Variants in SMARCA2 observed in about 807,000 individuals in gnomAD.
SMARCA2 encodes the protein SWI/SNF-related matrix-associated actin-dependent regulator of chromatin subfamily A member 2.
A neutral mutation model predicts 199.8 loss-of-function variants in SMARCA2; 61 were observed. The observed-to-expected ratio is 0.31, with a 90% CI of 0.25 to 0.38. SMARCA2 has a LOEUF of 0.38. Among genes scored for constraint, SMARCA2 ranks in the 10% least tolerant of loss-of-function variants. The pLI, the probability that SMARCA2 is intolerant of heterozygous loss-of-function variation, is 1.00. For synonymous variants in SMARCA2, 935 were observed against 732.0 expected (o/e 1.28, Z -4.48); for missense variants, 1,344 against 2,012.2 (o/e 0.67, Z 6.35).
At chr9:2,076,432 C>G (rs1821326368) in intron 13 of SMARCA2, 103 bp downstream of exon 13, 1 of 745,508 alleles carries the variant, frequency 1.3e-6, no homozygotes, top group Non-Finnish European at 2.4e-6. Flanking sequence ...AACTTCACGC[C>G]TACACTCTGC....
chr9:2,152,654 C>A (rs995555895), intron 27 of SMARCA2, among the ~76,000 whole-genome samples: 1 of 152,028 alleles, frequency 6.6e-6, no homozygotes, highest in African/African-American at 2.4e-5. Flanking sequence ...AAGTTCAGGA[C>A]CAGCCTGGCC....
intron 9 of SMARCA2, among the ~76,000 whole-genome samples, chr9:2,068,545 A>T (rs971951392): frequency 6.6e-6 from 1 of 152,218 alleles, no homozygotes; most frequent in African/African-American, 2.4e-5. Context: ...CTATTTTGTC[A>T]AAAGACAGTT....
intron 31 of SMARCA2, among the ~76,000 whole-genome samples, chr9:2,183,747 C>T (rs1827224708): frequency 6.6e-6 from 1 of 152,166 alleles, no homozygotes; most frequent in African/African-American, 2.4e-5. Flanking sequence ...CCTTCTGTTA[C>T]TCAAGACACT....
intron 27 of SMARCA2, among the ~76,000 whole-genome samples, chr9:2,142,360 G>T (rs771870185): frequency 6.6e-6 from 1 of 152,326 alleles, no homozygotes; most frequent in South Asian, 2.1e-4. Context: ...CATATTGGTT[G>T]TTTCAAAGTT....
intron 14 of SMARCA2, among the ~76,000 whole-genome samples, chr9:2,080,777 T>C (rs1011101082): frequency 6.6e-6 from 1 of 152,176 alleles, no homozygotes; most frequent in African/African-American, 2.4e-5. Flanking sequence ...TAAGAAAAAT[T>C]CTTGTCAATA....
intron 1 of SMARCA2, among the ~76,000 whole-genome samples, chr9:2,027,361 G>C (rs1338479792): frequency 3.3e-5 from 5 of 152,234 alleles, no homozygotes; most frequent in Admixed American, 3.3e-4. Context: ...AGGATCACTT[G>C]AGCCTAGGAG....
chr9:2,073,762 A>G, intron 12 of SMARCA2, 139 bp downstream of exon 12: 2 of 652,860 alleles, frequency 3.1e-6, no homozygotes, highest in Non-Finnish European at 5.4e-6. Flanking sequence ...AGCTGGGGCT[A>G]AGGATTTACA....
intron 32 of SMARCA2, among the ~76,000 whole-genome samples, chr9:2,189,015 G>C (rs1447803745): frequency 6.6e-6 from 1 of 152,012 alleles, no homozygotes; most frequent in Non-Finnish European, 1.5e-5. Flanking sequence ...TCTCTCTTTT[G>C]CGTCTTCCTC....
intron 23 of SMARCA2, among the ~76,000 whole-genome samples, chr9:2,108,379 A>G (rs2130572054): frequency 6.6e-6 from 1 of 152,330 alleles, no homozygotes; most frequent in African/African-American, 2.4e-5. Flanking sequence ...GAAAACAAAA[A>G]TAACAAAAAG....
At chr9:2,081,759 C>T in intron 14 of SMARCA2, 73 bp from the exon 15 acceptor site, 1 of 1,405,392 alleles carries the variant, frequency 7.1e-7, no homozygotes, top group South Asian at 1.3e-5. Context: ...AAGTCACACC[C>T]TCACTTGGGT....
chr9:2,042,941 A>C (rs1819674639), intron 4 of SMARCA2: 1 of 152,128 alleles, frequency 6.6e-6, no homozygotes, highest in Non-Finnish European at 1.5e-5. Context: ...ACTTGTCCCC[A>C]CATCTCAGGT....
chr9:2,089,471 T>G (rs1821956276), intron 19 of SMARCA2, among the ~76,000 whole-genome samples: 1 of 152,180 alleles, frequency 6.6e-6, no homozygotes, highest in Non-Finnish European at 1.5e-5. Context: ...AACGACTCTA[T>G]TTTTGGACAG....
chr9:2,051,722 C>T (rs545762791), intron 5 of SMARCA2, among the ~76,000 whole-genome samples: 2 of 152,264 alleles, frequency 1.3e-5, no homozygotes, highest in Admixed American at 6.5e-5. Flanking sequence ...ACCAAGGATG[C>T]GGAATAACCA....
At position 2,192,857 on chromosome 9, in the gene SMARCA2, A is replaced by G; in HGVS notation, c.*118A>G. ...TTGTTTCTATATCATCATCGTCTATAAACTAGCTTTAGGATAGTGCCAGAC... is the reference window on the plus strand; with the variant it reads ...TTGTTTCTATATCATCATCGTCTATGAACTAGCTTTAGGATAGTGCCAGAC... On this transcript the variant is annotated 3_prime_UTR_variant, in exon 34 of 34. Transcript: ENST00000349721. 4.0e-6 allele frequency: 3 copies of G among 758,942 alleles called. No homozygotes were observed. 47.0% of individuals were successfully genotyped at this position (758,942 alleles called of 1,614,324 possible).
At chr9:2,136,142 T>C (rs12344160) in intron 27 of SMARCA2, among the ~76,000 whole-genome samples, 15,232 of 151,194 alleles carry the variant, frequency 0.1, 1,350 homozygotes, top group East Asian at 0.42. Flanking sequence ...GCCTGGCAAC[T>C]TTTACTTTTT....
At chr9:2,045,098 A>C (rs1224670692) in intron 4 of SMARCA2, 1 of 152,250 alleles carries the variant, frequency 6.6e-6, no homozygotes, top group Non-Finnish European at 1.5e-5. Flanking sequence ...TGCCAGTACA[A>C]GTGAAATGAT....
At chr9:2,076,968 G>T (rs529117459) in intron 13 of SMARCA2, among the ~76,000 whole-genome samples, 1 of 152,118 alleles carries the variant, frequency 6.6e-6, no homozygotes, top group African/African-American at 2.4e-5. Context: ...TTAAAAACCA[G>T]AAATAGACAT....
intron 24 of SMARCA2, among the ~76,000 whole-genome samples, chr9:2,111,511 GA>G (rs1425683410): frequency 2.2e-5 from 3 of 138,068 alleles, no homozygotes; most frequent in Admixed American, 7.3e-5. Flanking sequence ...AAAAAAAAAA[GA>G]AAAGCAAAAA....
chr9:2,034,786 C>T (rs912142536), intron 3 of SMARCA2, among the ~76,000 whole-genome samples: 1 of 152,130 alleles, frequency 6.6e-6, no homozygotes, highest in African/African-American at 2.4e-5. Flanking sequence ...TTGAACATCC[C>T]AGACTCTTAT....
Sources: gnomAD v4.1 joint callset for allele counts (sites outside exome capture counted in the v4.1 genomes callset) on GRCh38, gnomAD v4.1.1 for gene constraint, MANE v1.5 for transcripts, NCBI Gene and HGNC (gene_info 2026-07-23, HGNC 2026-07-21) for gene names.